Variants in TRPV6 observed in about 807,000 individuals in gnomAD.
TRPV6 encodes transient receptor potential cation channel subfamily V member 6.
TRPV6 carries 39 observed loss-of-function variants against 79.0 expected under a neutral mutation model. That is an observed-to-expected ratio of 0.49 (90% confidence interval 0.38 to 0.64). The LOEUF (loss-of-function observed/expected upper bound fraction) is 0.64. TRPV6 is among the 30% of genes least tolerant of loss of function. The pLI is 0.00. For synonymous variants in TRPV6, 373 were observed against 391.9 expected (o/e 0.95, Z 0.57); for missense variants, 813 against 1,011.1 (o/e 0.80, Z 2.66).
intron 6 of TRPV6, 141 bp downstream of exon 6, chr7:142,876,267 A>C: frequency 7.9e-7 from 1 of 1,259,994 alleles, no homozygotes; most frequent in Admixed American, 2.6e-5. Context: ...AGGTAACCAC[A>C]GTGGGAGGGG....
chr7:142,874,039 T>C (rs774880985), intron 12 of TRPV6, 37 bp downstream of exon 12: 2 of 1,606,166 alleles, frequency 1.2e-6, no homozygotes, highest in South Asian at 2.2e-5. Flanking sequence ...CCTCATCTCT[T>C]CCCTGCCATG....
intron 8 of TRPV6, 41 bp downstream of exon 8, chr7:142,875,427 C>T (rs914121095): frequency 6.6e-7 from 1 of 1,522,462 alleles, no homozygotes; most frequent in Admixed American, 2.0e-5. Context: ...GGACAGAGAG[C>T]CAAGTCCTGC....
chr7:142,876,664 G>A (rs1429118134), intron 5 of TRPV6, 75 bp downstream of exon 5: 31 of 1,611,904 alleles, frequency 1.9e-5, no homozygotes, highest in Non-Finnish European at 2.5e-5. Context: ...TCTTCCTGAA[G>A]GTCCCAGCCC....
At position 142,876,903 on chromosome 7, in the gene TRPV6, C is replaced by T. The variant is rs1795087199; in HGVS notation, c.608-66G>A. On this transcript the variant is annotated intron_variant, in intron 4 of 14. Transcript: ENST00000359396. ...GGCAGGATGGGGTGGACAGTCTCCC[C>T]CAAGTGACAGCCTTATCTTCCCCCA... 1.9e-6 allele frequency: 3 copies of T among 1,583,310 alleles called. No homozygotes were observed. The Admixed American group carries it at 5.3e-5, about 28-fold the overall frequency.
At position 142,876,507 on chromosome 7, in the gene TRPV6, G is replaced by A; in HGVS notation, c.783C>T (p.Ser261=). 6.2e-7 allele frequency: 1 copy of A among 1,614,172 alleles called. No homozygotes were observed. The highest frequency in any genetic ancestry group is 8.5e-7 in the Non-Finnish European group (1 of 1,180,024). ...GCAGGTGGTCCCCATGTCTGTCGTA[G>A]GACAGCAACAGGTTGTACATCTGGC... is the stretch of plus-strand genomic sequence containing the variant. The change falls in exon 6 of 15, where the codon TCC becomes TCT. Residue 261 remains serine (S), a synonymous_variant. Transcript: ENST00000359396.
At position 142,873,264 on chromosome 7, in the gene TRPV6, C is replaced by T. The variant is rs982745740; in HGVS notation, c.1908+184G>A. Among the ~76,000 whole-genome samples, 11 of 152,352 alleles carry T rather than the reference C, an allele frequency of 7.2e-5. No homozygotes were observed. Among genetic ancestry groups the T allele is most frequent in the African/African-American group, 2.4e-4 (10 of 41,576 alleles). ...GAAAACTGTGAGGCATTCTTCTCAG[C>T]GATTCCAGTATTGCCTGGTTGAATT... On this transcript the variant is annotated intron_variant, in intron 13 of 14. Coordinates refer to ENST00000359396, the MANE Select transcript of TRPV6 (RefSeq NM_018646.6). The surrounding 1 kb of genome is among the most constrained non-coding windows in gnomAD (Gnocchi z 4.8).
rs770106485 is a variant in TRPV6 at position 142,877,159 on chromosome 7, C to T, written c.590G>A (p.Cys197Tyr). 5.6e-6 allele frequency: 9 copies of T among 1,614,174 alleles called. No individual in the cohort carries two copies. The highest frequency in any genetic ancestry group is 7.6e-6 in the Non-Finnish European group (9 of 1,180,020). The change falls in exon 4 of 15, where the codon TGC becomes TAC. Residue 197 changes from cysteine to tyrosine, a missense_variant. This residue lies in a region of TRPV6 where 555 missense variants were observed against 631.0 expected (regional missense o/e 0.88). Transcript: ENST00000359396. ...GCTCTCACCAAAGTAGATGAGGTTGCAGGGACTACGGCGGAAGGCAGTGCC... is the reference window on the plus strand; with the variant it reads ...GCTCTCACCAAAGTAGATGAGGTTGTAGGGACTACGGCGGAAGGCAGTGCC...
chr7:142,873,184 TTTTGA>T lies in TRPV6; in HGVS notation c.1908+259_1908+263del, dbSNP rs147895950. Among the ~76,000 whole-genome samples the T allele has an allele frequency of 2.8e-3, 419 of 152,362 alleles. 2 individuals are homozygous for T. Among genetic ancestry groups the T allele is most frequent in the African/African-American group, 9.6e-3 (401 of 41,582 alleles). The stretch of plus-strand genomic sequence containing the variant: ...GCAATTTTAGCCAACGTTAATTTTC[TTTTGA>T]TTTATTTCTTGTTGATTCCTCTAGA... On this transcript the variant is annotated intron_variant, in intron 13 of 14. Coordinates refer to ENST00000359396, the MANE Select transcript of TRPV6 (RefSeq NM_018646.6). The surrounding 1 kb of genome is among the most constrained non-coding windows in gnomAD (Gnocchi z 4.8).
chr7:142,872,563 T>G, intron 13 of TRPV6, 85 bp from the exon 14 acceptor site: 1 of 1,343,680 alleles, frequency 7.4e-7, no homozygotes, highest in East Asian at 2.5e-5. Flanking sequence ...TTGACCTTCT[T>G]CAGTGGGAGA....
intron 4 of TRPV6, 107 bp downstream of exon 4, chr7:142,877,035 A>C: frequency 2.0e-6 from 3 of 1,482,718 alleles, no homozygotes; most frequent in Non-Finnish European, 2.7e-6. Context: ...TGCTCCTCCC[A>C]GCTGCCCAAC....
intron 8 of TRPV6, 133 bp downstream of exon 8, chr7:142,875,335 C>T (rs1795036157): frequency 1.6e-6 from 2 of 1,240,530 alleles, no homozygotes; most frequent in East Asian, 2.4e-5. Context: ...TGTGGGCGTG[C>T]ATTTGGAGTT....
In TRPV6 at chr7:142,885,374, C is replaced by G; in HGVS notation, c.248+15G>C. On this transcript the variant is annotated intron_variant, in intron 1 of 14. Transcript: ENST00000359396. Reference sequence around the variant, plus strand: ...CTGGGGAGGTGGGGAAGGGAGCAGACCAAGGGGGCCTTACCTCTTCTGCTG... The same window carrying G: ...CTGGGGAGGTGGGGAAGGGAGCAGAGCAAGGGGGCCTTACCTCTTCTGCTG... 1 of 1,606,224 alleles carries G rather than the reference C, an allele frequency of 6.2e-7. No individual in the cohort carries two copies. Among genetic ancestry groups the G allele is most frequent in the Non-Finnish European group, 8.5e-7 (1 of 1,175,556 alleles).
intron 11 of TRPV6, 36 bp downstream of exon 11, chr7:142,874,455 G>C: frequency 6.2e-7 from 1 of 1,612,036 alleles, no homozygotes; most frequent in Non-Finnish European, 8.5e-7. Context: ...TGTGGCTCTG[G>C]GGCCTTTCTC....
Position 142,877,211 on chromosome 7 carries a change from T to G in TRPV6, c.538A>C (p.Arg180=). ...GTGGCTCTGGCAGAGACACTGGCCC[T>G]GCGGGCAAGCAGGGCTCGCACCAGG... is the stretch of plus-strand genomic sequence containing the variant. Residue 180 remains arginine (R), a synonymous_variant, in exon 4 of 15, where the codon AGG becomes CGG. Transcript: ENST00000359396. 1 of 1,614,202 alleles carries G rather than the reference T, an allele frequency of 6.2e-7. No homozygotes were observed. The highest frequency in any genetic ancestry group is 8.5e-7 in the Non-Finnish European group (1 of 1,180,018).
intron 6 of TRPV6, 155 bp from the exon 7 acceptor site, chr7:142,876,059 A>C: frequency 1.2e-6 from 1 of 800,156 alleles, no homozygotes; most frequent in Non-Finnish European, 1.9e-6. Context: ...ACCCACATTC[A>C]CAGTGACATT....
intron 6 of TRPV6, 112 bp downstream of exon 6, chr7:142,876,296 G>A: frequency 2.1e-6 from 3 of 1,447,146 alleles, no homozygotes; most frequent in Non-Finnish European, 2.8e-6. Context: ...TTTCTGAGTT[G>A]AGAATGGGAT....
chr7:142,871,649 G>A lies in TRPV6; in HGVS notation c.*58C>T. 3.9e-6 allele frequency: 6 copies of A among 1,532,196 alleles called. No individual in the cohort carries two copies. The highest frequency in any genetic ancestry group is 5.3e-6 in the Non-Finnish European group (6 of 1,138,360). 94.9% of individuals were successfully genotyped at this position (1,532,196 alleles called of 1,614,324 possible). The stretch of plus-strand genomic sequence containing the variant: ...CCTCTGGGTGTTTGGTTTTTGTTTT[G>A]TTTGATGCACCCAGGAAAATGAGAG... On this transcript the variant is annotated 3_prime_UTR_variant, in exon 15 of 15. Coordinates refer to ENST00000359396, the MANE Select transcript of TRPV6 (RefSeq NM_018646.6).
chr7:142,879,211 C>T (rs4987642), intron 1 of TRPV6: 33 of 152,130 alleles, frequency 2.2e-4, no homozygotes, highest in African/African-American at 8.0e-4. Flanking sequence ...GTCTTCGGAC[C>T]CTTCCTGGAT....
chr7:142,876,278 T>C (rs1795066360), intron 6 of TRPV6, 130 bp downstream of exon 6: 1 of 1,372,014 alleles, frequency 7.3e-7, no homozygotes, highest in Non-Finnish European at 9.8e-7. Flanking sequence ...GTGGGAGGGG[T>C]TGAAAAATTT....
Sources: gnomAD v4.1 joint callset for allele counts (sites outside exome capture counted in the v4.1 genomes callset) on GRCh38, gnomAD v4.1.1 for gene constraint, gnomAD v4.1.1 regional missense constraint, Gnocchi (gnomAD v3.1) non-coding constraint, MANE v1.5 for transcripts, NCBI Gene and HGNC (gene_info 2026-07-23, HGNC 2026-07-21) for gene names.